KANK1: variants seen among roughly 807,000 people sequenced by gnomAD.
KANK1 encodes KN motif and ankyrin repeat domains 1, also known as KN motif and ankyrin repeat domain-containing protein 1.
Under a neutral mutation model 106.2 loss-of-function variants are expected in KANK1, and 109 were observed. The ratio of observed to expected loss-of-function variants is 1.03; its 90% CI spans 0.88 to 1.20. The LOEUF (loss-of-function observed/expected upper bound fraction) is 1.20. KANK1 is among the 50% of genes most tolerant of loss of function. KANK1 has a pLI of 0.00. For synonymous variants in KANK1, 873 were observed against 652.2 expected, an observed-to-expected ratio of 1.34 and a Z score of -5.16; for missense variants, 2,399 against 1,710.7, an observed-to-expected ratio of 1.40 and a Z score of -7.10.
chr9:592,307 A>T (rs1475471428), intron 1 of KANK1, among the ~76,000 whole-genome samples: 2 of 151,896 alleles, frequency 1.3e-5, no homozygotes, highest in African/African-American at 4.9e-5. Context: ...ATCTGTGCGC[A>T]GGACTGCTCT....
At chr9:664,902 G>T (rs1249980951) in intron 1 of KANK1, among the ~76,000 whole-genome samples, 2 of 152,060 alleles carry the variant, frequency 1.3e-5, no homozygotes, top group Admixed American at 6.5e-5. Flanking sequence ...TCGTGGTTTT[G>T]ATTTGCATTT....
chr9:566,419 T>C (rs1324742739), intron 1 of KANK1, among the ~76,000 whole-genome samples: 1 of 152,240 alleles, frequency 6.6e-6, no homozygotes, highest in Admixed American at 6.5e-5. Flanking sequence ...TTTTAGAACT[T>C]TGAAGACTCA....
At chr9:596,967 A>G (rs952525545) in intron 1 of KANK1, among the ~76,000 whole-genome samples, 1 of 151,912 alleles carries the variant, frequency 6.6e-6, no homozygotes, top group Admixed American at 6.6e-5. Flanking sequence ...TTACAATTCT[A>G]GATACCACAT....
chr9:680,609 A>G (rs1588865302), intron 2 of KANK1, among the ~76,000 whole-genome samples: 1 of 152,330 alleles, frequency 6.6e-6, no homozygotes, highest in Non-Finnish European at 1.5e-5. Flanking sequence ...TACTGGGGAT[A>G]CAGCAGTGAA....
intron 2 of KANK1, among the ~76,000 whole-genome samples, chr9:703,656 G>A (rs1409528244): frequency 6.6e-6 from 1 of 151,862 alleles, no homozygotes; most frequent in Non-Finnish European, 1.5e-5. Flanking sequence ...AGTTCTGTTA[G>A]TCCAAAAAGG....
intron 1 of KANK1, among the ~76,000 whole-genome samples, chr9:581,790 C>G (rs372412703): frequency 1.4e-4 from 21 of 152,134 alleles, no homozygotes; most frequent in African/African-American, 5.1e-4. Context: ...TTACACCAGT[C>G]CCTACTGCTT....
chr9:534,404 A>G (rs948603436), intron 1 of KANK1, among the ~76,000 whole-genome samples: 1 of 152,228 alleles, frequency 6.6e-6, no homozygotes. Flanking sequence ...CACTATCAAC[A>G]GAAAGTAATG....
At chr9:665,824 C>T (rs973530879) in intron 1 of KANK1, among the ~76,000 whole-genome samples, 2 of 152,114 alleles carry the variant, frequency 1.3e-5, no homozygotes, top group Admixed American at 1.3e-4. Context: ...GATTCATCTT[C>T]TATTTATTTA....
chr9:695,163 T>C (rs1052730572), intron 2 of KANK1, among the ~76,000 whole-genome samples: 2 of 152,076 alleles, frequency 1.3e-5, no homozygotes, highest in African/African-American at 4.8e-5. Flanking sequence ...TCCCCCAACC[T>C]AGGCAGGCCA....
At chr9:541,537 A>G (rs1246210101) in intron 1 of KANK1, among the ~76,000 whole-genome samples, 8 of 152,228 alleles carry the variant, frequency 5.3e-5, no homozygotes, top group Admixed American at 2.0e-4. Context: ...ACACAGAGAA[A>G]AAGCTTCTTG....
In KANK1 at chr9:711,619, C is replaced by A. The variant is rs1336648957; in HGVS notation, c.853C>A (p.Pro285Thr). 1.9e-6 allele frequency: 3 copies of A among 1,614,024 alleles called. No homozygotes were observed. ...KELEEQVRTIPVLQVKISVLQ... is the reference protein window; with the variant it reads ...KELEEQVRTITVLQVKISVLQ... ...GCTGGAGGAGCAGGTGCGAACCATC[C>A]CTGTGCTCCAGGTAAAGATCTCTGT... Residue 285 changes from proline (P) to threonine (T), a missense_variant, in exon 3 of 12, where the codon CCT (proline) becomes ACT (threonine). Coordinates refer to ENST00000382297, the MANE Select transcript of KANK1 (RefSeq NM_015158.5).
chr9:620,642 T>A (rs1832934865), intron 1 of KANK1, among the ~76,000 whole-genome samples: 1 of 152,086 alleles, frequency 6.6e-6, no homozygotes. Flanking sequence ...CCTGACCTCA[T>A]GATCCAGCTG....
intron 3 of KANK1, among the ~76,000 whole-genome samples, chr9:491,774 G>C (rs150346676): frequency 3.9e-5 from 6 of 152,266 alleles, no homozygotes; most frequent in South Asian, 4.1e-4. Flanking sequence ...CCCACATTTC[G>C]TGGAAGGAAC....
chr9:489,148 GCTA>G (rs1406981481), intron 3 of KANK1: 3 of 152,154 alleles, frequency 2.0e-5, no homozygotes, highest in Non-Finnish European at 4.4e-5. Flanking sequence ...GTGTGGGGAA[GCTA>G]CTCAATAAAT....
rs1488932154 is a variant in KANK1 at position 635,715 on chromosome 9, T to TTTG, written c.-83-41174_-83-41173insTGT. Among the ~76,000 whole-genome samples the TTTG allele has an allele frequency of 6.8e-3, 992 of 146,152 alleles. 4 individuals are homozygous for TTTG. The highest frequency in any genetic ancestry group is 0.012 in the Non-Finnish European group (766 of 66,026). On this transcript the variant is annotated intron_variant, in intron 1 of 11. Transcript: ENST00000382297. ...TATTCTTTTTTTTTTTTTTTTTTTTTTGAGACGGAGTCTTACTCTGTTGCC... is the reference window on the plus strand; with the variant it reads ...TATTCTTTTTTTTTTTTTTTTTTTTTTTGTGAGACGGAGTCTTACTCTGTTGCC...
intron 1 of KANK1, among the ~76,000 whole-genome samples, chr9:521,040 G>T (rs1478055495): frequency 6.6e-6 from 1 of 151,808 alleles, no homozygotes; most frequent in Non-Finnish European, 1.5e-5. Flanking sequence ...GGCCTCATCA[G>T]TCTGTCTTGG....
chr9:572,427 C>T (rs1000223552), intron 1 of KANK1, among the ~76,000 whole-genome samples: 9 of 152,030 alleles, frequency 5.9e-5, no homozygotes, highest in African/African-American at 2.2e-4. Context: ...TAGTGGGTTC[C>T]TGTAGTCCCA....
In KANK1 at chr9:745,324, G is replaced by A. The variant is rs1325557702; in HGVS notation, c.*89G>A. 9 of 1,522,170 alleles carry A rather than the reference G, an allele frequency of 5.9e-6. No individual in the cohort carries two copies. Among genetic ancestry groups the A allele is most frequent in the Middle Eastern group, 1.7e-4 (1 of 5,816 alleles). The allele number at this position is 1,522,170 out of a possible 1,614,324, so 94.3% of individuals were successfully genotyped here. A position where few individuals can be genotyped will look rare whatever the true frequency, so the allele number is the denominator to read the frequency against. ...GACAGATACTGAATGTATACGTATTGTGCCTGAGCTCACCAGCAAACAGAA... is the reference window on the plus strand; with the variant it reads ...GACAGATACTGAATGTATACGTATTATGCCTGAGCTCACCAGCAAACAGAA... On this transcript the variant is annotated 3_prime_UTR_variant, in exon 12 of 12. Coordinates refer to ENST00000382297, the MANE Select transcript of KANK1 (RefSeq NM_015158.5).
intron 3 of KANK1, among the ~76,000 whole-genome samples, chr9:493,437 C>A (rs1385421913): frequency 6.6e-6 from 1 of 151,806 alleles, no homozygotes; most frequent in African/African-American, 2.4e-5. Flanking sequence ...TGATTGCAAC[C>A]TTATCAGAGA....
Sources: gnomAD v4.1 joint callset for allele counts (sites outside exome capture counted in the v4.1 genomes callset) on GRCh38, gnomAD v4.1.1 for gene constraint, MANE v1.5 for transcripts, NCBI Gene and HGNC (gene_info 2026-07-23, HGNC 2026-07-21) for gene names.